KDM2B: variants seen among roughly 807,000 people sequenced by gnomAD.
KDM2B encodes lysine-specific demethylase 2B.
KDM2B carries 26 observed loss-of-function variants against 150.0 expected under a neutral mutation model. That is an observed-to-expected ratio of 0.17 (90% confidence interval 0.13 to 0.24). The LOEUF is 0.24. Among genes scored for constraint, KDM2B ranks in the 10% least tolerant of loss-of-function variants. The pLI is 1.00. For missense variants in KDM2B, 1,265 were observed against 1,816.9 expected, an observed-to-expected ratio of 0.70 and a Z score of 5.52; for synonymous variants, 734 against 729.5, an observed-to-expected ratio of 1.01 and a Z score of -0.10.
intron 8 of KDM2B, among the ~76,000 whole-genome samples, chr12:121,528,423 G>GT (rs1206013318): frequency 2.0e-5 from 3 of 152,080 alleles, no homozygotes; most frequent in African/African-American, 7.2e-5. Flanking sequence ...GCCGGGCCCG[G>GT]TAGCGTACGC....
intron 6 of KDM2B, among the ~76,000 whole-genome samples, chr12:121,543,286 G>A (rs1408750960): frequency 6.6e-6 from 1 of 152,172 alleles, no homozygotes; most frequent in African/African-American, 2.4e-5. Context: ...AACCCCAGAG[G>A]TGGAGGTTAC....
At chr12:121,550,256 G>A (rs1454386790) in intron 4 of KDM2B, among the ~76,000 whole-genome samples, 2 of 151,764 alleles carry the variant, frequency 1.3e-5, no homozygotes, top group African/African-American at 4.8e-5. Flanking sequence ...GTTGCAGTGA[G>A]CTGAGATGGC....
Position 121,453,403 on chromosome 12 carries a change from C to T in KDM2B, c.1735-59G>A, listed in dbSNP as rs888654612. 1 of 1,390,310 alleles carries T rather than the reference C, an allele frequency of 7.2e-7. No individual in the cohort carries two copies. The highest frequency in any genetic ancestry group is 1.4e-5 in the African/African-American group (1 of 69,914). The allele number at this position is 1,390,310 out of a possible 1,614,324, so 86.1% of individuals were successfully genotyped here. ...GAGACTGCAGGCACGGCCAGACCCC[C>T]GGAAAGGGTGTTAGGGAGCAAACTG... On this transcript the variant is annotated intron_variant, in intron 12 of 22. Transcript: ENST00000377071. The surrounding 1 kb of genome is among the most constrained non-coding windows in gnomAD (Gnocchi z 6.4).
At chr12:121,417,612 C>T in the KDM2B span, 9 of 1,614,156 alleles carry the variant, frequency 5.6e-6, no homozygotes, top group South Asian at 1.1e-5. The surrounding 1 kb of genome is among the most constrained non-coding windows in gnomAD (Gnocchi z 5.0). Context: ...AGCATTTCAG[C>T]GCCCTCAGTT....
chr12:121,560,665 G>A (rs1259933941), intron 4 of KDM2B, among the ~76,000 whole-genome samples: 3 of 152,084 alleles, frequency 2.0e-5, no homozygotes, highest in Admixed American at 6.6e-5. Flanking sequence ...AGGAAGAGAC[G>A]GGGGCCGCCA....
In KDM2B at chr12:121,549,526, C is replaced by A. The variant is rs1379236996; in HGVS notation, c.510G>T (p.Leu170=). 5 of 1,613,654 alleles carry A rather than the reference C, an allele frequency of 3.1e-6. No individual in the cohort carries two copies. Among genetic ancestry groups the A allele is most frequent in the Non-Finnish European group, 4.2e-6 (5 of 1,179,688 alleles). ...TGAACTCTAGGCTGATGACGTTGTA[C>A]AGCTTGTCCCGCTGGGCCTCGGGCG... The part of the protein sequence containing the change: ...YETPEAQRDK[L]YNVISLEFSH... Residue 170 remains leucine, a synonymous_variant, in exon 5 of 23, where the codon CTG becomes CTT. Transcript: ENST00000377071. The surrounding 1 kb of genome is among the most constrained non-coding windows in gnomAD (Gnocchi z 4.4).
chr12:121,445,503 C>T, intron 13 of KDM2B, 85 bp from the exon 14 acceptor site: 1 of 1,408,148 alleles, frequency 7.1e-7, no homozygotes, highest in East Asian at 2.5e-5. Flanking sequence ...CAATGAGCTG[C>T]TCCCCTTGGG....
intron 4 of KDM2B, among the ~76,000 whole-genome samples, chr12:121,554,479 C>T (rs1053821801): frequency 1.3e-4 from 19 of 151,830 alleles, no homozygotes; most frequent in African/African-American, 3.9e-4. Flanking sequence ...GGCGCGATCT[C>T]GGCTCACTGC....
chr12:121,455,378 G>C (rs2138901527), intron 12 of KDM2B, among the ~76,000 whole-genome samples: 1 of 152,374 alleles, frequency 6.6e-6, no homozygotes, highest in African/African-American at 2.4e-5. Flanking sequence ...CCACAGGCAA[G>C]CTGGCCACCA....
chr12:121,567,587 A>G (rs1033388242), intron 4 of KDM2B, among the ~76,000 whole-genome samples: 15 of 152,160 alleles, frequency 9.9e-5, no homozygotes, highest in African/African-American at 4.8e-5. Context: ...GGAAAACCAC[A>G]TGAGGGCAGG....
intron 12 of KDM2B, among the ~76,000 whole-genome samples, chr12:121,459,142 C>T (rs1258699951): frequency 1.3e-5 from 2 of 148,450 alleles, no homozygotes; most frequent in Non-Finnish European, 3.0e-5. Flanking sequence ...TACAAAGCTA[C>T]AATAAACAAG....
chr12:121,410,518 C>T, the KDM2B span, among the ~76,000 whole-genome samples: 1 of 143,648 alleles, frequency 7.0e-6, no homozygotes, highest in African/African-American at 2.6e-5. Context: ...TCCTGGGCAA[C>T]AGAGCAAGAT....
chr12:121,563,335 G>A (rs559211755), intron 4 of KDM2B, among the ~76,000 whole-genome samples: 2 of 151,868 alleles, frequency 1.3e-5, no homozygotes, highest in East Asian at 1.9e-4. Flanking sequence ...GGCCGGGCTC[G>A]ATGGCTCACG....
intron 13 of KDM2B, among the ~76,000 whole-genome samples, chr12:121,447,595 AAAC>A (rs1270245480): frequency 6.6e-6 from 1 of 152,270 alleles, no homozygotes; most frequent in Non-Finnish European, 1.5e-5. Flanking sequence ...CAAAAATATA[AAAC>A]AACGCCATTC....
chr12:121,462,221 G>A (rs1364186058), intron 12 of KDM2B, among the ~76,000 whole-genome samples: 1 of 152,112 alleles, frequency 6.6e-6, no homozygotes, highest in Non-Finnish European at 1.5e-5. Context: ...CAAGCATAAT[G>A]GACAGCCCAG....
chr12:121,580,993 G>A lies in KDM2B; in HGVS notation c.-82C>T. 1.3e-6 allele frequency: 2 copies of A among 1,540,532 alleles called. No individual in the cohort carries two copies. The highest frequency in any genetic ancestry group is 2.3e-5 in the East Asian group (1 of 44,178). On this transcript the variant is annotated 5_prime_UTR_variant, in exon 1 of 23. Transcript: ENST00000377071. ...AGGACTGCCTAACTTTTAAACTCCC[G>A]GCACTCAAAGATGTGGACACACACA...
chr12:121,453,349 A>C lies in KDM2B; in HGVS notation c.1735-5T>G. On this transcript the variant is annotated splice_polypyrimidine_tract_variant and splice_region_variant and intron_variant, in intron 12 of 22. Transcript: ENST00000377071. The surrounding 1 kb of genome is among the most constrained non-coding windows in gnomAD (Gnocchi z 6.4). ...GGGCCGACCCACAGCCCGGTTCTGC[A>C]GGGGAACAGACACGACTGGTCAGAT... 3.2e-6 allele frequency: 5 copies of C among 1,562,672 alleles called. No individual in the cohort carries two copies. The highest frequency in any genetic ancestry group is 4.3e-6 in the Non-Finnish European group (5 of 1,153,284).
Position 121,446,779 on chromosome 12 carries a change from C to A in KDM2B, c.1960-1361G>T, listed in dbSNP as rs1326880228. On this transcript the variant is annotated intron_variant, in intron 13 of 22. Transcript: ENST00000377071. ...TAGACTTTTGGAAAACTTTTATGAA[C>A]CACCATAACCCGCACAGCTTCCCAA... Among the ~76,000 whole-genome samples the A allele has an allele frequency of 4.3e-4, 65 of 152,198 alleles. 1 individual carries two copies. Among genetic ancestry groups the A allele is most frequent in the Non-Finnish European group, 2.9e-5 (2 of 68,022 alleles).
At chr12:121,538,086 C>T (rs1271931972) in intron 6 of KDM2B, among the ~76,000 whole-genome samples, 2 of 151,686 alleles carry the variant, frequency 1.3e-5, no homozygotes, top group African/African-American at 4.8e-5. Flanking sequence ...TCGCTGCCTT[C>T]CTTCCGCGGG....
Sources: allele counts gnomAD v4.1 joint callset (sites outside exome capture counted in the v4.1 genomes callset), GRCh38; gene constraint gnomAD v4.1.1; non-coding constraint Gnocchi (gnomAD v3.1); transcripts MANE v1.5; gene names NCBI Gene and HGNC (gene_info 2026-07-23, HGNC 2026-07-21).